The following UNC13C variants were observed in gnomAD, a reference collection of about 807,000 sequenced individuals.
UNC13C encodes protein unc-13 homolog C.
A neutral mutation model predicts 245.4 loss-of-function variants in UNC13C; 174 were observed. The ratio of observed to expected loss-of-function variants is 0.71; its 90% confidence interval spans 0.63 to 0.80. The LOEUF is 0.80. UNC13C is among the 30% of genes least tolerant of loss of function. The pLI is 0.00. For synonymous variants in UNC13C, 992 were observed against 895.1 expected (o/e 1.11, Z -1.93); for missense variants, 2,829 against 2,602.9 (o/e 1.09, Z -1.89).
At chr15:54,167,887 G>A (rs1209291090) in intron 4 of UNC13C, among the ~76,000 whole-genome samples, 1 of 152,066 alleles carries the variant, frequency 6.6e-6, no homozygotes, top group Admixed American at 6.6e-5. Flanking sequence ...CACATCACTA[G>A]TTTTTAGAAA....
chr15:54,096,339 G>GAA (rs5812740), intron 2 of UNC13C, among the ~76,000 whole-genome samples: 42,715 of 150,914 alleles, frequency 0.28, 6,529 homozygotes, highest in East Asian at 0.36. Flanking sequence ...TCTCTATTTG[G>GAA]AAAAAAAAAG....
At chr15:54,059,313 AC>A (rs1351652581) in intron 2 of UNC13C, among the ~76,000 whole-genome samples, 4 of 152,182 alleles carry the variant, frequency 2.6e-5, no homozygotes, top group African/African-American at 9.7e-5. Context: ...ATTTTTATAC[AC>A]CAATAACAGA....
chr15:54,500,259 C>A, intron 21 of UNC13C, 84 bp downstream of exon 21: 1 of 1,004,502 alleles, frequency 1.0e-6, no homozygotes, highest in Non-Finnish European at 1.5e-6. Flanking sequence ...TTATTAGACT[C>A]ATTGTTATTA....
At chr15:53,846,933 T>A in the UNC13C span, among the ~76,000 whole-genome samples, 1 of 152,076 alleles carries the variant, frequency 6.6e-6, no homozygotes, top group East Asian at 1.9e-4. Context: ...AATCTGGCTT[T>A]GGAGGAGTCA....
chr15:53,866,402 C>T, the UNC13C span, among the ~76,000 whole-genome samples: 144 of 152,168 alleles, frequency 9.5e-4, no homozygotes, highest in African/African-American at 3.4e-3. Context: ...ACATAGACAA[C>T]ACAATATGCA....
At chr15:54,534,203 G>A (rs904993032) in intron 26 of UNC13C, among the ~76,000 whole-genome samples, 2 of 152,010 alleles carry the variant, frequency 1.3e-5, no homozygotes, top group Non-Finnish European at 2.9e-5. Context: ...GAACACCTTC[G>A]CCCCTCCAGT....
At chr15:54,605,293 C>T (rs1355273543) in intron 30 of UNC13C, among the ~76,000 whole-genome samples, 2 of 152,202 alleles carry the variant, frequency 1.3e-5, no homozygotes, top group African/African-American at 4.8e-5. Context: ...ATCACTGAAA[C>T]TGCTTTTAAG....
chr15:54,094,503 T>C (rs1258567114), intron 2 of UNC13C, among the ~76,000 whole-genome samples: 1 of 152,188 alleles, frequency 6.6e-6, no homozygotes, highest in Non-Finnish European at 1.5e-5. Context: ...TATGTAATTG[T>C]GTCTTTCAAC....
intron 19 of UNC13C, among the ~76,000 whole-genome samples, chr15:54,466,969 T>C (rs992730259): frequency 6.6e-6 from 1 of 151,888 alleles, no homozygotes; most frequent in Non-Finnish European, 1.5e-5. Context: ...TTTCCAGAGC[T>C]ACTGTATTGA....
chr15:54,140,882 A>G (rs1238822153), intron 2 of UNC13C, among the ~76,000 whole-genome samples: 1 of 152,226 alleles, frequency 6.6e-6, no homozygotes, highest in Non-Finnish European at 1.5e-5. Context: ...GGAAGAATAC[A>G]GCAGGGAGAC....
At chr15:54,484,255 T>A (rs191705039) in intron 19 of UNC13C, among the ~76,000 whole-genome samples, 31 of 152,326 alleles carry the variant, frequency 2.0e-4, no homozygotes, top group Admixed American at 4.6e-4. Context: ...GTCATTGTAT[T>A]GCAGTTTTAT....
At position 54,555,418 on chromosome 15, in the gene UNC13C, C is replaced by T. The variant is rs1596563611; in HGVS notation, c.5878-14C>T. 1 of 1,610,668 alleles carries T rather than the reference C, an allele frequency of 6.2e-7. No homozygotes were observed. Among genetic ancestry groups the T allele is most frequent in the Non-Finnish European group, 8.5e-7 (1 of 1,177,738 alleles). On this transcript the variant is annotated splice_polypyrimidine_tract_variant and intron_variant, in intron 28 of 32. Coordinates refer to ENST00000260323, the MANE Select transcript of UNC13C (RefSeq NM_001080534.3). ...ACTGGTTGTTTTATAAGCAATTCTT[C>T]ACCTGTTTTCCAGGAGCACATGATT...
intron 2 of UNC13C, chr15:54,049,232 C>T (rs763749891): frequency 2.0e-5 from 10 of 507,964 alleles, no homozygotes; most frequent in Admixed American, 4.9e-5. Flanking sequence ...GCTATGGTAT[C>T]ATTACTCAGA....
At chr15:54,137,629 T>C (rs2031804647) in intron 2 of UNC13C, among the ~76,000 whole-genome samples, 2 of 152,328 alleles carry the variant, frequency 1.3e-5, no homozygotes, top group Admixed American at 1.3e-4. Context: ...CAAAGTGGTC[T>C]CTTAAGATCC....
At chr15:54,500,001 T>G in intron 20 of UNC13C, 78 bp from the exon 21 acceptor site, 1 of 1,089,058 alleles carries the variant, frequency 9.2e-7, no homozygotes, top group Non-Finnish European at 1.3e-6. Flanking sequence ...TACTCTCATA[T>G]GCAAAAAGAG....
At chr15:54,629,442 TAAAA>T (rs959755695), downstream of UNC13C, 1 of 151,948 alleles carries the variant, frequency 6.6e-6, no homozygotes, top group East Asian at 1.9e-4. Flanking sequence ...TAAAAGTTTT[TAAAA>T]AAAAGTTCAG....
intron 4 of UNC13C, among the ~76,000 whole-genome samples, chr15:54,164,517 A>G (rs2033096916): frequency 6.6e-6 from 1 of 152,224 alleles, no homozygotes; most frequent in Non-Finnish European, 1.5e-5. Flanking sequence ...AGTAAATAAA[A>G]CATCAGTAGG....
chr15:54,344,304 A>C lies in UNC13C; in HGVS notation c.4713+5815A>C, dbSNP rs577929496. ...AACGAACAGTTTATTTCTGTAAGAG[A>C]GCTTCGTAGGTAGTTCCCATAAAGC... is the stretch of plus-strand genomic sequence containing the variant. On this transcript the variant is annotated intron_variant, in intron 17 of 32. Coordinates refer to ENST00000260323, the MANE Select transcript of UNC13C (RefSeq NM_001080534.3). 1.3e-3 allele frequency among the ~76,000 whole-genome samples: 199 copies of C among 152,300 alleles called. 1 individual carries two copies. Among genetic ancestry groups the C allele is most frequent in the Non-Finnish European group, 1.0e-3 (68 of 68,028 alleles).
intron 18 of UNC13C, among the ~76,000 whole-genome samples, chr15:54,395,634 A>C (rs2040054757): frequency 6.6e-6 from 1 of 151,892 alleles, no homozygotes; most frequent in African/African-American, 2.4e-5. Context: ...TTTAAAACAT[A>C]GGACATTTTA....
Sources: gnomAD v4.1 joint callset for allele counts (sites outside exome capture counted in the v4.1 genomes callset) on GRCh38, gnomAD v4.1.1 for gene constraint, MANE v1.5 for transcripts, NCBI Gene and HGNC (gene_info 2026-07-23, HGNC 2026-07-21) for gene names.